The following PRSS54 variants were observed in gnomAD, a reference collection of about 807,000 sequenced individuals.
PRSS54 encodes the protein inactive serine protease 54.
A neutral mutation model predicts 19.9 loss-of-function variants in PRSS54; 16 were observed. The ratio of observed to expected loss-of-function variants is 0.80; its 90% CI spans 0.54 to 1.22. The LOEUF (loss-of-function observed/expected upper bound fraction) is 1.22, where lower values mean the gene tolerates loss of function less well. Ranked by LOEUF, PRSS54 falls within the 50% of genes most tolerant of loss-of-function variation. The pLI is 0.00. For synonymous variants in PRSS54, 177 were observed against 195.8 expected, an observed-to-expected ratio of 0.90 and a Z score of 0.80; for missense variants, 444 against 494.8, an observed-to-expected ratio of 0.90 and a Z score of 0.97.
At chr16:58,282,951 T>TC (rs1180657555) in intron 6 of PRSS54, 2 of 152,204 alleles carry the variant, frequency 1.3e-5, no homozygotes, top group Non-Finnish European at 2.9e-5. Flanking sequence ...CTTTTTCTCT[T>TC]CCCCATAATC....
chr16:58,288,152 A>G (rs1964958417), intron 4 of PRSS54, among the ~76,000 whole-genome samples: 2 of 152,220 alleles, frequency 1.3e-5, no homozygotes, highest in Non-Finnish European at 2.9e-5. Context: ...TTGGCCATGC[A>G]TGATGGCTCA....
intron 1 of PRSS54, among the ~76,000 whole-genome samples, chr16:58,294,627 G>T (rs1055583442): frequency 6.6e-6 from 1 of 152,110 alleles, no homozygotes; most frequent in Admixed American, 6.6e-5. Context: ...TGATCCACCC[G>T]CCTCAGTCTC....
intron 4 of PRSS54, 130 bp downstream of exon 4, chr16:58,290,829 G>T: frequency 3.1e-6 from 3 of 973,536 alleles, no homozygotes; most frequent in South Asian, 3.3e-5. Flanking sequence ...CAGAGCAAGC[G>T]CTGAGCTGGT....
In PRSS54 at chr16:58,293,777, G is replaced by A. The variant is rs780259064; in HGVS notation, c.40C>T (p.Arg14Ter). 2.5e-5 allele frequency: 40 copies of A among 1,613,074 alleles called. No homozygotes were observed. The highest frequency in any genetic ancestry group is 3.0e-5 in the Non-Finnish European group (35 of 1,179,686). Residue 14 changes from arginine to a stop codon, truncating the protein, a stop_gained, in exon 3 of 7, where the codon CGA becomes TGA. Transcript: ENST00000567164. LOFTEE classifies it high-confidence loss of function. ...AAGLSGDGKMRGVLLVLLGLL... is the reference protein window; with the variant it reads ...AAGLSGDGKM ...CCGAGCAGCACCAGGAGCACCCCTC[G>A]CATCTTGCCATCCCCAGAGAGACCC... is the stretch of plus-strand genomic sequence containing the variant.
intron 6 of PRSS54, among the ~76,000 whole-genome samples, chr16:58,284,130 A>AT (rs5817139): frequency 3.9e-5 from 6 of 151,912 alleles, no homozygotes. Flanking sequence ...ACTTCTACAC[A>AT]TTTTTTTTTG....
chr16:58,280,393 A>G lies in PRSS54; in HGVS notation c.1019T>C (p.Val340Ala), dbSNP rs1964687653. 1 of 1,614,024 alleles carries G rather than the reference A, an allele frequency of 6.2e-7. No individual in the cohort carries two copies. Among genetic ancestry groups the G allele is most frequent in the South Asian group, 1.1e-5 (1 of 91,072 alleles). The stretch of plus-strand genomic sequence containing the variant: ...CTCAGGAGACCTGCCTGATTCCTTT[A>G]CATCCTTCTCCCTAACATCTAGACT... Reference protein sequence around the residue: ...RDSLDVREKDVKESGRSPEAS... With the variant: ...RDSLDVREKDAKESGRSPEAS... The change falls in exon 7 of 7, where the codon GTA becomes GCA. Residue 340 changes from valine (V) to alanine (A), a missense_variant. By Grantham distance (64) the Val-to-Ala change is moderately conservative (BLOSUM62 0). Coordinates refer to ENST00000567164, the MANE Select transcript of PRSS54 (RefSeq NM_001305173.2).
chr16:58,294,673 C>A (rs1965108401), intron 1 of PRSS54, among the ~76,000 whole-genome samples: 1 of 152,216 alleles, frequency 6.6e-6, no homozygotes, highest in East Asian at 1.9e-4. Context: ...AGCCACCGTG[C>A]CCGGCCAATA....
intron 6 of PRSS54, chr16:58,281,108 C>T (rs1964721612): frequency 4.2e-6 from 1 of 239,462 alleles, no homozygotes; most frequent in Non-Finnish European, 8.2e-6. Flanking sequence ...TCCTGAAATG[C>T]TCACATTTTC....
chr16:58,294,589 A>G (rs1965106127), intron 1 of PRSS54, among the ~76,000 whole-genome samples: 1 of 152,160 alleles, frequency 6.6e-6, no homozygotes, highest in Non-Finnish European at 1.5e-5. Flanking sequence ...CACGTTGGCC[A>G]GGCTGGTCTC....
At chr16:58,282,304 C>T (rs1489181884) in intron 6 of PRSS54, 1 of 152,126 alleles carries the variant, frequency 6.6e-6, no homozygotes, top group Non-Finnish European at 1.5e-5. Flanking sequence ...TGCACCCGGC[C>T]TAATTTCTGT....
At chr16:58,280,839 T>C (rs571541506) in intron 6 of PRSS54, 82 bp from the exon 7 acceptor site, 11 of 1,339,316 alleles carry the variant, frequency 8.2e-6, no homozygotes, top group Non-Finnish European at 1.1e-5. Context: ...ATACTGTTTG[T>C]TCTAGAAATG....
rs1965097184 is a variant in PRSS54 at position 58,294,083 on chromosome 16, A to T, written c.-105T>A. On this transcript the variant is annotated 5_prime_UTR_variant, in exon 2 of 7. Coordinates refer to ENST00000567164, the MANE Select transcript of PRSS54 (RefSeq NM_001305173.2). The stretch of plus-strand genomic sequence containing the variant: ...ATGGCCAGAGAAGAGAGGGCAGCTT[A>T]CTCTTGTCAGTTTTCTTCTCAATCC... 2.2e-6 allele frequency: 1 copy of T among 459,948 alleles called. No individual in the cohort carries two copies. The highest frequency in any genetic ancestry group is 2.0e-5 in the African/African-American group (1 of 50,926). 28.5% of individuals were successfully genotyped at this position (459,948 alleles called of 1,614,324 possible).
At chr16:58,284,774 A>G (rs1964870237) in intron 5 of PRSS54, 53 bp from the exon 6 acceptor site, 1 of 1,605,596 alleles carries the variant, frequency 6.2e-7, no homozygotes. Flanking sequence ...GCAGTCCCCT[A>G]TGTCAACACA....
chr16:58,280,360 A>T lies in PRSS54; in HGVS notation c.1052T>A (p.Val351Glu). 6.2e-7 allele frequency: 1 copy of T among 1,614,192 alleles called. No homozygotes were observed. The highest frequency in any genetic ancestry group is 8.5e-7 in the Non-Finnish European group (1 of 1,180,026). Reference sequence around the variant, plus strand: ...GTAATAGTCATAGTATAAGGGTTGTACAGACGCCTCAGGAGACCTGCCTGA... The same window carrying T: ...GTAATAGTCATAGTATAAGGGTTGTTCAGACGCCTCAGGAGACCTGCCTGA... Reference protein sequence around the residue: ...KESGRSPEASVQPLYYDYYGG... With the variant: ...KESGRSPEASEQPLYYDYYGG... Residue 351 changes from valine to glutamate, a missense_variant, in exon 7 of 7, where the codon GTA (valine) becomes GAA (glutamate). Transcript: ENST00000567164.
rs1208220669 is a variant in PRSS54, at chr16:58,293,771, C to T, written c.46G>A (p.Val16Met). 4.3e-6 allele frequency: 7 copies of T among 1,613,232 alleles called. No individual in the cohort carries two copies. Among genetic ancestry groups the T allele is most frequent in the Non-Finnish European group, 5.9e-6 (7 of 1,179,710 alleles). ...GLSGDGKMRG[V>M]LLVLLGLLYS... ...AGAAGGCCGAGCAGCACCAGGAGCA[C>T]CCCTCGCATCTTGCCATCCCCAGAG... The change falls in exon 3 of 7, where the codon GTG becomes ATG. Residue 16 changes from valine (V) to methionine (M), a missense_variant. By Grantham distance (21) the Val-to-Met change is conservative (BLOSUM62 1). Coordinates refer to ENST00000567164, the MANE Select transcript of PRSS54 (RefSeq NM_001305173.2).
chr16:58,293,172 G>A lies in PRSS54; in HGVS notation c.85+560C>T, dbSNP rs369243653. Among the ~76,000 whole-genome samples, 7 of 152,126 alleles carry A rather than the reference G, an allele frequency of 4.6e-5. No homozygotes were observed. The East Asian group carries it at 7.7e-4, about 17-fold the overall frequency. ...TAACCCCAGGGAGGCAGGGCAGGGC[G>A]GGCTGGGACGGCAGCAAGGTGGGAC... On this transcript the variant is annotated intron_variant, in intron 3 of 6. Coordinates refer to ENST00000567164, the MANE Select transcript of PRSS54 (RefSeq NM_001305173.2).
chr16:58,294,383 G>A (rs1458748434), intron 1 of PRSS54, among the ~76,000 whole-genome samples, 174 bp from the exon 2 acceptor site: 3 of 151,554 alleles, frequency 2.0e-5, no homozygotes, highest in Non-Finnish European at 4.4e-5. Flanking sequence ...ACTGAGTCTC[G>A]CTCCCTTGGC....
At chr16:58,290,493 G>A (rs559594180) in intron 4 of PRSS54, among the ~76,000 whole-genome samples, 2 of 152,158 alleles carry the variant, frequency 1.3e-5, no homozygotes, top group Non-Finnish European at 2.9e-5. Flanking sequence ...AGTAGAAATC[G>A]TGCGTTCTGA....
Position 58,280,672 on chromosome 16 carries a change from G to T in PRSS54, c.740C>A (p.Thr247Lys), listed in dbSNP as rs371707462. 5 of 1,614,040 alleles carry T rather than the reference G, an allele frequency of 3.1e-6. No homozygotes were observed. Among genetic ancestry groups the T allele is most frequent in the Non-Finnish European group, 4.2e-6 (5 of 1,180,036 alleles). ...LRGVLNFGGE[T>K]CPGLFLYTKV... is the part of the protein sequence containing the mutation. ...GGTGTACAGAAACAGGCCAGGGCACGTCTCACCACCGAAGTTCAGGACTCC... is the reference window on the plus strand; with the variant it reads ...GGTGTACAGAAACAGGCCAGGGCACTTCTCACCACCGAAGTTCAGGACTCC... The change falls in exon 7 of 7, where the codon ACG becomes AAG. Residue 247 changes from threonine (T) to lysine (K), a missense_variant. Physicochemically the swap from Thr to Lys is moderately conservative, Grantham distance 78. Coordinates refer to ENST00000567164, the MANE Select transcript of PRSS54 (RefSeq NM_001305173.2).
Sources: allele counts gnomAD v4.1 joint callset (sites outside exome capture counted in the v4.1 genomes callset), GRCh38; gene constraint gnomAD v4.1.1; transcripts MANE v1.5; gene names NCBI Gene and HGNC (gene_info 2026-07-23, HGNC 2026-07-21).